The following DLGAP2 variants were observed in gnomAD, a reference collection of about 807,000 sequenced individuals.
The protein encoded by DLGAP2 is disks large-associated protein 2.
In DLGAP2, 26 loss-of-function variants were observed where a neutral mutation model predicts 100.3. The ratio of observed to expected loss-of-function variants is 0.26; its 90% CI spans 0.19 to 0.36. The LOEUF (loss-of-function observed/expected upper bound fraction) is 0.36. Ranked by LOEUF, DLGAP2 falls within the 10% of genes least tolerant of loss-of-function variation. DLGAP2 has a pLI of 1.00. For missense variants in DLGAP2, 1,858 were observed against 1,453.2 expected (o/e 1.28, Z -4.53); for synonymous variants, 886 against 630.1 (o/e 1.41, Z -6.08).
chr8:894,199 C>A (rs1798094159), intron 1 of DLGAP2, among the ~76,000 whole-genome samples: 1 of 152,170 alleles, frequency 6.6e-6, no homozygotes, highest in African/African-American at 2.4e-5. Context: ...CCCAGAGCAG[C>A]CTCCCTGCAG....
intron 3 of DLGAP2, among the ~76,000 whole-genome samples, chr8:1,492,469 G>A (rs1004632144): frequency 1.3e-5 from 2 of 152,238 alleles, no homozygotes; most frequent in African/African-American, 2.4e-5. Context: ...ACTCTGCACT[G>A]ACTCTCAGAG....
chr8:1,538,787 TCAC>T (rs1801246527), intron 4 of DLGAP2, among the ~76,000 whole-genome samples: 1 of 151,440 alleles, frequency 6.6e-6, no homozygotes, highest in Non-Finnish European at 1.5e-5. Context: ...CTCCAGAGAG[TCAC>T]GCCCCGGGTG....
chr8:776,158 C>G (rs1158075753), intron 1 of DLGAP2, among the ~76,000 whole-genome samples: 1 of 150,728 alleles, frequency 6.6e-6, no homozygotes. Flanking sequence ...GTAGTATTCT[C>G]TGATGGTAGT....
At chr8:770,983 T>C (rs74892975) in intron 1 of DLGAP2, among the ~76,000 whole-genome samples, 2 of 152,042 alleles carry the variant, frequency 1.3e-5, no homozygotes, top group Non-Finnish European at 2.9e-5. Flanking sequence ...TTTAAAATAT[T>C]ACTGCTAGAT....
At position 873,551 on chromosome 8, in the gene DLGAP2, A is replaced by C. The variant is rs1029296131; in HGVS notation, c.19-34361A>C. Among the ~76,000 whole-genome samples the C allele has an allele frequency of 7.9e-5, 12 of 152,238 alleles. No homozygotes were observed. The East Asian group carries it at 1.7e-3, about 22-fold the overall frequency. On this transcript the variant is annotated intron_variant, in intron 1 of 14. Coordinates refer to ENST00000637795, the MANE Select transcript of DLGAP2 (RefSeq NM_001346810.2). ...TTTAATTAATACTTTATAATTCTCT[A>C]TATATAATTGCTGCATTCATTTTAC...
intron 5 of DLGAP2, among the ~76,000 whole-genome samples, chr8:1,551,853 G>T (rs1801778623): frequency 6.6e-6 from 1 of 152,182 alleles, no homozygotes; most frequent in Non-Finnish European, 1.5e-5. Flanking sequence ...CTGGTCAGTG[G>T]TCACATTCCC....
chr8:1,300,886 C>T (rs958331057), intron 3 of DLGAP2: 3 of 152,240 alleles, frequency 2.0e-5, no homozygotes, highest in African/African-American at 7.2e-5. Context: ...TATTTCCAGC[C>T]AGTGAGGCCG....
chr8:971,017 T>C (rs1039600866), intron 2 of DLGAP2, among the ~76,000 whole-genome samples: 1 of 152,210 alleles, frequency 6.6e-6, no homozygotes, highest in Non-Finnish European at 1.5e-5. Flanking sequence ...CCATCAGTAG[T>C]GTGGCTCTCC....
chr8:837,445 A>G (rs1585916263), intron 1 of DLGAP2, among the ~76,000 whole-genome samples: 1 of 152,226 alleles, frequency 6.6e-6, no homozygotes, highest in Non-Finnish European at 1.5e-5. Context: ...AATACTAGAG[A>G]ATGTAATGTT....
intron 2 of DLGAP2, among the ~76,000 whole-genome samples, chr8:1,102,940 C>T (rs1475049400): frequency 6.6e-6 from 1 of 151,112 alleles, no homozygotes; most frequent in Non-Finnish European, 1.5e-5. Context: ...CCCTATGAGT[C>T]TCTGGGGTCT....
At chr8:1,305,906 T>G (rs1266691712) in intron 3 of DLGAP2, among the ~76,000 whole-genome samples, 1 of 152,156 alleles carries the variant, frequency 6.6e-6, no homozygotes, top group East Asian at 1.9e-4. Context: ...ATAAATGGGA[T>G]TATTTTCTTA....
intron 2 of DLGAP2, among the ~76,000 whole-genome samples, chr8:1,020,795 C>T (rs1035422095): frequency 6.6e-5 from 10 of 152,174 alleles, no homozygotes; most frequent in Non-Finnish European, 1.0e-4. Context: ...GCTCCAGCCA[C>T]GGGTTTGGGA....
At position 1,639,798 on chromosome 8, in the gene DLGAP2, G is replaced by C. The variant is rs574395893; in HGVS notation, c.1810+6752G>C. Among the ~76,000 whole-genome samples, 18 of 152,282 alleles carry C rather than the reference G, an allele frequency of 1.2e-4. No homozygotes were observed. The East Asian group carries it at 3.1e-3, about 26-fold the overall frequency. ...GGAGTTCTCTGCCGTCCTTGGCTGC[G>C]GGCCACATGGCTCCAGCCTGGGCCT... On this transcript the variant is annotated intron_variant, in intron 8 of 14. Coordinates refer to ENST00000637795, the MANE Select transcript of DLGAP2 (RefSeq NM_001346810.2).
chr8:1,391,054 C>G (rs1158118517), intron 3 of DLGAP2, among the ~76,000 whole-genome samples: 9 of 152,306 alleles, frequency 5.9e-5, no homozygotes, highest in Admixed American at 5.2e-4. Flanking sequence ...GTGAATACAA[C>G]AGGACCTTGA....
intron 2 of DLGAP2, among the ~76,000 whole-genome samples, chr8:988,624 C>T (rs919479221): frequency 7.9e-5 from 12 of 152,152 alleles, no homozygotes; most frequent in African/African-American, 2.4e-4. Flanking sequence ...TCCCACCCCA[C>T]GTGGACCTTC....
chr8:883,922 A>G lies in DLGAP2; in HGVS notation c.19-23990A>G, dbSNP rs574335448. On this transcript the variant is annotated intron_variant, in intron 1 of 14. Transcript: ENST00000637795. ...TTTCTGTTTCTGTGTTAGTTTGCTG[A>G]GGATAATGGCTTCCAGCTTCATCCA... Among the ~76,000 whole-genome samples the G allele has an allele frequency of 1.8e-4, 27 of 152,312 alleles. 1 individual carries two copies. The South Asian group carries it at 5.2e-3, about 29-fold the overall frequency.
At chr8:1,065,238 G>A (rs571718225) in intron 2 of DLGAP2, among the ~76,000 whole-genome samples, 3 of 152,216 alleles carry the variant, frequency 2.0e-5, no homozygotes, top group African/African-American at 7.2e-5. Context: ...TAAAGATACA[G>A]CCATTGCCAG....
chr8:1,136,444 C>T (rs1796414829), intron 2 of DLGAP2, among the ~76,000 whole-genome samples: 1 of 152,174 alleles, frequency 6.6e-6, no homozygotes, highest in Non-Finnish European at 1.5e-5. Flanking sequence ...CTCTCTGGCT[C>T]CCCATACAGG....
At chr8:1,361,802 G>A (rs923005296) in intron 3 of DLGAP2, among the ~76,000 whole-genome samples, 2 of 152,324 alleles carry the variant, frequency 1.3e-5, no homozygotes, top group Middle Eastern at 3.4e-3. Context: ...ATCCACCTCC[G>A]TGAGTCAAAT....
Sources: gnomAD v4.1 joint callset for allele counts (sites outside exome capture counted in the v4.1 genomes callset) on GRCh38, gnomAD v4.1.1 for gene constraint, MANE v1.5 for transcripts, NCBI Gene and HGNC (gene_info 2026-07-23, HGNC 2026-07-21) for gene names.